Variants in XKR6 observed in about 807,000 individuals in gnomAD.
The protein encoded by XKR6 is XK-related protein 6.
XKR6 carries 22 observed loss-of-function variants against 56.7 expected under a neutral mutation model. The ratio of observed to expected loss-of-function variants is 0.39; its 90% CI spans 0.28 to 0.55. The LOEUF is 0.55. XKR6 is among the 20% of genes least tolerant of loss of function. The probability of loss-of-function intolerance (pLI) is 0.66; values close to 1 mark genes in which losing one functional copy is unlikely to be tolerated. For missense variants in XKR6, 852 were observed against 889.0 expected (o/e 0.96, Z 0.53); for synonymous variants, 524 against 387.8 (o/e 1.35, Z -4.13).
At chr8:11,003,109 T>C (rs1798283070) in intron 1 of XKR6, among the ~76,000 whole-genome samples, 1 of 152,028 alleles carries the variant, frequency 6.6e-6, no homozygotes, top group African/African-American at 2.4e-5. Context: ...GCCAACCAGG[T>C]TAATTCAGGA....
rs116412456 is a variant in XKR6 at position 11,186,751 on chromosome 8, G to A, written c.764+13825C>T. On this transcript the variant is annotated intron_variant, in intron 1 of 2. Coordinates refer to ENST00000416569, the MANE Select transcript of XKR6 (RefSeq NM_173683.4). The stretch of plus-strand genomic sequence containing the variant: ...TTCCTTTCTCTGACTGAATGCTGAG[G>A]TGTTGAGCCCTGAGGATGTCGAAGC... Among the ~76,000 whole-genome samples, 1,190 of 152,228 alleles carry A rather than the reference G, an allele frequency of 7.8e-3. 14 individuals are homozygous for A. Among genetic ancestry groups the A allele is most frequent in the African/African-American group, 0.027 (1,104 of 41,536 alleles).
At chr8:11,093,304 C>T (rs1798144665) in intron 1 of XKR6, among the ~76,000 whole-genome samples, 1 of 152,238 alleles carries the variant, frequency 6.6e-6, no homozygotes, top group Admixed American at 6.5e-5. Flanking sequence ...ATCCGCCCAC[C>T]TCGGCCTCCC....
chr8:11,075,874 C>G (rs6993381), intron 1 of XKR6, among the ~76,000 whole-genome samples: 1 of 152,088 alleles, frequency 6.6e-6, no homozygotes, highest in African/African-American at 2.4e-5. Context: ...CTCTGTCCCC[C>G]CGACCCAAAA....
Position 10,896,500 on chromosome 8 carries a change from C to G in XKR6, c.*1452G>C, listed in dbSNP as rs577015001. 1 of 152,676 alleles carries G rather than the reference C, an allele frequency of 6.5e-6. No homozygotes were observed. Among genetic ancestry groups the G allele is most frequent in the East Asian group, 1.9e-4 (1 of 5,174 alleles). 9.5% of individuals were successfully genotyped at this position (152,676 alleles called of 1,614,324 possible). On this transcript the variant is annotated 3_prime_UTR_variant, in exon 3 of 3. Transcript: ENST00000416569. ...CGTCTTACATCAGTTTTGTATATCT[C>G]TGGCAAGACTTTGCAGCAGGGACAC...
intron 1 of XKR6, among the ~76,000 whole-genome samples, chr8:10,954,151 A>G (rs1451154761): frequency 6.6e-6 from 1 of 152,218 alleles, no homozygotes; most frequent in Non-Finnish European, 1.5e-5. Flanking sequence ...ATATGGACAT[A>G]TGTTTTCAAT....
At chr8:10,993,819 AAG>A (rs962845953) in intron 1 of XKR6, among the ~76,000 whole-genome samples, 1 of 152,156 alleles carries the variant, frequency 6.6e-6, no homozygotes, top group African/African-American at 2.4e-5. Context: ...CAGTTATTCA[AAG>A]AGGGGCTGGG....
chr8:10,899,500 C>T (rs1799977511), intron 2 of XKR6, among the ~76,000 whole-genome samples: 1 of 152,242 alleles, frequency 6.6e-6, no homozygotes, highest in Admixed American at 6.5e-5. Context: ...ACCTGCCACC[C>T]AAGGCCAACA....
At chr8:10,901,493 T>C (rs1418429365) in intron 2 of XKR6, among the ~76,000 whole-genome samples, 2 of 152,186 alleles carry the variant, frequency 1.3e-5, no homozygotes, top group African/African-American at 4.8e-5. Flanking sequence ...CTTCATAGTC[T>C]GGACCAGGCT....
chr8:11,002,189 A>T (rs1327365607), intron 1 of XKR6, among the ~76,000 whole-genome samples: 2 of 151,830 alleles, frequency 1.3e-5, no homozygotes, highest in Admixed American at 6.6e-5. Flanking sequence ...ACCCTCCCCA[A>T]TCCTGAGAGG....
intron 1 of XKR6, among the ~76,000 whole-genome samples, chr8:11,129,777 G>A (rs1800010150): frequency 6.6e-6 from 1 of 151,488 alleles, no homozygotes; most frequent in African/African-American, 2.4e-5. Context: ...AGGACAGAGG[G>A]ATCTTTTCTA....
intron 1 of XKR6, among the ~76,000 whole-genome samples, chr8:11,047,605 T>C (rs935153324): frequency 1.3e-5 from 2 of 152,180 alleles, no homozygotes; most frequent in African/African-American, 4.8e-5. Flanking sequence ...GAATGAGGGT[T>C]GCCAGGGGCT....
At chr8:10,899,708 G>T (rs764886056) in intron 2 of XKR6, among the ~76,000 whole-genome samples, 1 of 152,050 alleles carries the variant, frequency 6.6e-6, no homozygotes, top group Non-Finnish European at 1.5e-5. Flanking sequence ...GGGCTTTGGG[G>T]GTGCCTCTTC....
intron 1 of XKR6, among the ~76,000 whole-genome samples, chr8:10,975,694 G>A (rs1802533702): frequency 1.3e-5 from 2 of 150,934 alleles, no homozygotes; most frequent in South Asian, 4.1e-4. Flanking sequence ...CAGCAGCACT[G>A]GCAGGGGGCT....
intron 1 of XKR6, among the ~76,000 whole-genome samples, chr8:10,975,233 C>T (rs963791104): frequency 3.9e-5 from 6 of 152,184 alleles, no homozygotes; most frequent in African/African-American, 1.2e-4. Context: ...TTGGCTGCCC[C>T]GGCAGGGGGA....
At chr8:11,020,466 C>T (rs994407126) in intron 1 of XKR6, among the ~76,000 whole-genome samples, 2 of 152,348 alleles carry the variant, frequency 1.3e-5, no homozygotes, top group Admixed American at 1.3e-4. Context: ...GTAAACGGTG[C>T]TGCTTCTCCC....
intron 1 of XKR6, among the ~76,000 whole-genome samples, chr8:11,022,560 C>T (rs969761110): frequency 1.3e-5 from 2 of 152,164 alleles, no homozygotes; most frequent in Non-Finnish European, 2.9e-5. Flanking sequence ...ACTCAGTCAG[C>T]AGCCAATGGG....
intron 2 of XKR6, among the ~76,000 whole-genome samples, chr8:10,919,320 C>T (rs1053483061): frequency 6.6e-6 from 1 of 152,230 alleles, no homozygotes; most frequent in African/African-American, 2.4e-5. Flanking sequence ...TTCCTGACCC[C>T]CTGCCTAAAG....
chr8:10,898,002 G>T lies in XKR6; in HGVS notation c.1876C>A (p.Arg626=), dbSNP rs1429331560. Residue 626 remains arginine, a synonymous_variant, in exon 3 of 3, where the codon CGA becomes AGA. Transcript: ENST00000416569. The surrounding 1 kb of genome is among the most constrained non-coding windows in gnomAD (Gnocchi z 6.6). ...AACTCATAGAGGAGTGGTCCGTCTC[G>T]ATATCGAATGCCTACTGCGGTGGGG... ...VTPTAVGIRY[R]DGPLLYELLQ... is the part of the protein sequence containing the mutation. 6.2e-7 allele frequency: 1 copy of T among 1,610,848 alleles called. No homozygotes were observed. The highest frequency in any genetic ancestry group is 2.2e-5 in the East Asian group (1 of 44,860).
intron 1 of XKR6, among the ~76,000 whole-genome samples, chr8:11,053,244 T>A (rs1416398465): frequency 6.6e-6 from 1 of 152,206 alleles, no homozygotes; most frequent in African/African-American, 2.4e-5. Context: ...AAAACATAGA[T>A]GGCAAGGGCT....
Sources: gnomAD v4.1 joint callset for allele counts (sites outside exome capture counted in the v4.1 genomes callset) on GRCh38, gnomAD v4.1.1 for gene constraint, Gnocchi (gnomAD v3.1) non-coding constraint, MANE v1.5 for transcripts, NCBI Gene and HGNC (gene_info 2026-07-23, HGNC 2026-07-21) for gene names.